NFATC2IP: variants seen among roughly 807,000 people sequenced by gnomAD.
NFATC2IP encodes the protein nuclear factor of activated T cells 2 interacting protein.
NFATC2IP carries 25 observed loss-of-function variants against 40.2 expected under a neutral mutation model. That is an observed-to-expected ratio of 0.62 (90% CI 0.45 to 0.87). The LOEUF (loss-of-function observed/expected upper bound fraction) is 0.87, where lower values mean the gene tolerates loss of function less well. Ranked by LOEUF, NFATC2IP falls within the 40% of genes least tolerant of loss-of-function variation. The probability of loss-of-function intolerance (pLI) is 0.00; values close to 1 mark genes in which losing one functional copy is unlikely to be tolerated. For missense variants in NFATC2IP, 553 were observed against 555.6 expected (o/e 1.00, Z 0.05); for synonymous variants, 241 against 236.3 (o/e 1.02, Z -0.18).
chr16:28,958,789 CT>C lies in NFATC2IP; in HGVS notation c.924del (p.Phe308LeufsTer15). 1 of 1,614,036 alleles carries C rather than the reference CT, an allele frequency of 6.2e-7. No individual in the cohort carries two copies. The highest frequency in any genetic ancestry group is 8.5e-7 in the Non-Finnish European group (1 of 1,179,948). On this transcript the variant is annotated frameshift_variant, in exon 6 of 8. Coordinates refer to ENST00000320805, the MANE Select transcript of NFATC2IP (RefSeq NM_032815.4). LOFTEE classifies it high-confidence loss of function. ...GGTGTCCCCAAGCAGGATCCTTTTG[CT>C]TTTTGGAGAGACAGAGCTATCACCT... ...LGVSPSRILL[L>X]FGETELSPTA... is the part of the protein sequence containing the mutation.
At position 28,956,215 on chromosome 16, in the gene NFATC2IP, G is replaced by A; in HGVS notation, c.724G>A (p.Glu242Lys). The change falls in exon 5 of 8, where the codon GAG (glutamate) becomes AAG (lysine). Residue 242 changes from glutamate (E) to lysine (K), a missense_variant. Coordinates refer to ENST00000320805, the MANE Select transcript of NFATC2IP (RefSeq NM_032815.4). ...CLSPKPPQGQ[E>K]QQGQEDEVVL... ...GAGCCCCAAGCCACCTCAGGGTCAAGAGCAACAGGGCCAAGAGGATGAAGT... is the reference window on the plus strand; with the variant it reads ...GAGCCCCAAGCCACCTCAGGGTCAAAAGCAACAGGGCCAAGAGGATGAAGT... 6.2e-7 allele frequency: 1 copy of A among 1,614,074 alleles called. No homozygotes were observed.
chr16:28,955,828 ATCC>A (rs1265060089), intron 3 of NFATC2IP, 147 bp from the exon 4 acceptor site: 2 of 665,266 alleles, frequency 3.0e-6, no homozygotes, highest in Non-Finnish European at 5.2e-6. Flanking sequence ...GGCTCGAGCG[ATCC>A]TCCTGGCTCA....
At position 28,952,191 on chromosome 16, in the gene NFATC2IP, A is replaced by T. The variant is rs538461658; in HGVS notation, c.447A>T (p.Pro149=). The T allele has an allele frequency of 3.1e-6, 5 of 1,613,478 alleles. 1 individual carries two copies. In the South Asian group the frequency reaches 5.5e-5, roughly 18 times the overall value. ...TATCCCTCCTGAAACTCTACCCTCC[A>T]GGGGATGAGGAAGGTAAGGGAGGGC... ...DDLSLLKLYP[P]GDEEEAELAD... Residue 149 remains proline, a synonymous_variant, in exon 2 of 8, where the codon CCA becomes CCT. Transcript: ENST00000320805.
intron 2 of NFATC2IP, chr16:28,952,565 C>T (rs370095251): frequency 4.0e-6 from 1 of 248,460 alleles, no homozygotes; most frequent in African/African-American, 2.3e-5. Flanking sequence ...TCCTCCCCCA[C>T]TGATGCATTT....
chr16:28,955,009 T>G lies in NFATC2IP; in HGVS notation c.578+327T>G, dbSNP rs145579450. Among the ~76,000 whole-genome samples, 522 of 151,968 alleles carry G rather than the reference T, an allele frequency of 3.4e-3. 2 individuals are homozygous for G. Among genetic ancestry groups the G allele is most frequent in the Middle Eastern group, 0.01 (3 of 294 alleles). On this transcript the variant is annotated intron_variant, in intron 3 of 7. Coordinates refer to ENST00000320805, the MANE Select transcript of NFATC2IP (RefSeq NM_032815.4). ...ACCCCGTTTTATAGCCTGGGAAACA[T>G]AGAGAGACCCTGTCTCTACAAAAAA...
chr16:28,950,989 T>G lies in NFATC2IP; in HGVS notation c.-23T>G. 6.8e-7 allele frequency: 1 copy of G among 1,461,318 alleles called. No homozygotes were observed. Among genetic ancestry groups the G allele is most frequent in the Non-Finnish European group, 9.0e-7 (1 of 1,111,110 alleles). The allele number at this position is 1,461,318 out of a possible 1,614,324, so 90.5% of individuals were successfully genotyped here. A position where few individuals can be genotyped will look rare whatever the true frequency, so the allele number is the denominator to read the frequency against. ...GGGGCGAGGCGAGAGGAGGCGGGCG[T>G]GTGTTGTGGAGGAAAGTGTGCCATG... On this transcript the variant is annotated 5_prime_UTR_variant, in exon 1 of 8. Coordinates refer to ENST00000320805, the MANE Select transcript of NFATC2IP (RefSeq NM_032815.4).
At chr16:28,959,225 T>A in intron 7 of NFATC2IP, 125 bp downstream of exon 7, 1 of 644,180 alleles carries the variant, frequency 1.6e-6, no homozygotes. Context: ...CCCTCCATGT[T>A]CTTGGGTTCC....
chr16:28,955,630 A>C (rs1309689718), intron 3 of NFATC2IP, among the ~76,000 whole-genome samples: 1 of 151,854 alleles, frequency 6.6e-6, no homozygotes, highest in African/African-American at 2.4e-5. Flanking sequence ...ATAGGGCCTC[A>C]CTCCATTGCC....
chr16:28,958,114 AAAG>A (rs972502248), intron 5 of NFATC2IP, among the ~76,000 whole-genome samples: 3 of 110,300 alleles, frequency 2.7e-5, no homozygotes, highest in South Asian at 2.8e-4. Flanking sequence ...CTAAAAATAG[AAAG>A]AAAAAAAAAA....
chr16:28,955,133 G>T (rs765074100), intron 3 of NFATC2IP, among the ~76,000 whole-genome samples: 1 of 152,138 alleles, frequency 6.6e-6, no homozygotes, highest in African/African-American at 2.4e-5. Context: ...GTTAGAGGCT[G>T]CAGTGAGCCA....
At position 28,955,875 on chromosome 16, in the gene NFATC2IP, C is replaced by T. The variant is rs1965014661; in HGVS notation, c.579-103C>T. On this transcript the variant is annotated intron_variant, in intron 3 of 7. Coordinates refer to ENST00000320805, the MANE Select transcript of NFATC2IP (RefSeq NM_032815.4). ...AAGTGCTGGGATTACAGGTGTGAGC[C>T]ATTGCGTCCGACTATGCTTGATTGT... 8.8e-6 allele frequency: 8 copies of T among 908,528 alleles called. 1 individual carries two copies. The Admixed American group carries it at 9.3e-5, about 11-fold the overall frequency. The allele number at this position is 908,528 out of a possible 1,614,324, so 56.3% of individuals were successfully genotyped here.
intron 2 of NFATC2IP, among the ~76,000 whole-genome samples, chr16:28,953,184 C>G (rs1018996807): frequency 2.0e-5 from 3 of 152,102 alleles, no homozygotes; most frequent in African/African-American, 7.2e-5. Flanking sequence ...AAGCCATTCT[C>G]CTGCCTCAGC....
At chr16:28,952,865 T>A (rs1964982863) in intron 2 of NFATC2IP, among the ~76,000 whole-genome samples, 1 of 150,326 alleles carries the variant, frequency 6.7e-6, no homozygotes. Flanking sequence ...GCCTCAGCCT[T>A]CCCAGTAGCT....
chr16:28,963,823 TG>T lies in NFATC2IP; in HGVS notation c.1223del (p.Gly408AlafsTer19). On this transcript the variant is annotated frameshift_variant, in exon 8 of 8. Coordinates refer to ENST00000320805, the MANE Select transcript of NFATC2IP (RefSeq NM_032815.4). LOFTEE classifies it high-confidence loss of function. ...KLSGRELPAD[L>X]GMESGDLIEV... ...TCAGGCAGGGAGCTGCCAGCTGACC[TG>T]GGCATGGAATCTGGGGACCTCATTG... The T allele has an allele frequency of 6.2e-7, 1 of 1,614,234 alleles. No homozygotes were observed. Among genetic ancestry groups the T allele is most frequent in the Admixed American group, 1.7e-5 (1 of 60,014 alleles).
At chr16:28,959,210 C>A in intron 7 of NFATC2IP, 110 bp downstream of exon 7, 1 of 684,236 alleles carries the variant, frequency 1.5e-6, no homozygotes, top group Non-Finnish European at 2.6e-6. Context: ...TTGCAGGAGA[C>A]ACTGCCCTCC....
chr16:28,962,610 C>T (rs1965099750), intron 7 of NFATC2IP, among the ~76,000 whole-genome samples: 1 of 152,168 alleles, frequency 6.6e-6, no homozygotes, highest in Non-Finnish European at 1.5e-5. Context: ...TCTCTAGGGG[C>T]TGCCAGCCAC....
In NFATC2IP at chr16:28,951,268, A is replaced by G; in HGVS notation, c.257A>G (p.Asp86Gly). The G allele has an allele frequency of 6.8e-7, 1 of 1,479,892 alleles. No homozygotes were observed. Among genetic ancestry groups the G allele is most frequent in the Middle Eastern group, 1.8e-4 (1 of 5,704 alleles). The allele number at this position is 1,479,892 out of a possible 1,614,324, so 91.7% of individuals were successfully genotyped here. A position where few individuals can be genotyped will look rare whatever the true frequency, so the allele number is the denominator to read the frequency against. ...PEPPGPVASR[D>G]NSNSDSEGED... ...CCCCCGGGGCCGGTCGCGTCCCGGG[A>G]TAACAGCAACAGTGACAGCGAAGGG... Residue 86 changes from aspartate (D) to glycine (G), a missense_variant, in exon 1 of 8, where the codon GAT becomes GGT. Physicochemically the swap from Asp to Gly is moderately conservative, Grantham distance 94 (BLOSUM62 -1). Coordinates refer to ENST00000320805, the MANE Select transcript of NFATC2IP (RefSeq NM_032815.4).
At chr16:28,952,381 T>C in intron 2 of NFATC2IP, 177 bp downstream of exon 2, 1 of 1,013,022 alleles carries the variant, frequency 9.9e-7, no homozygotes, top group Non-Finnish European at 1.4e-6. Flanking sequence ...AATGTATTAA[T>C]GTATACATTT....
intron 7 of NFATC2IP, 22 bp downstream of exon 7, chr16:28,959,122 C>T (rs1227640251): frequency 2.8e-6 from 4 of 1,419,840 alleles, no homozygotes; most frequent in Admixed American, 3.4e-5. Context: ...AGATGGCTCT[C>T]CACGCCCCTC....
Sources: gnomAD v4.1 joint callset for allele counts (sites outside exome capture counted in the v4.1 genomes callset) on GRCh38, gnomAD v4.1.1 for gene constraint, MANE v1.5 for transcripts, NCBI Gene and HGNC (gene_info 2026-07-23, HGNC 2026-07-21) for gene names.